WWOX: variants seen among roughly 807,000 people sequenced by gnomAD.
WWOX encodes the protein WW domain containing oxidoreductase.
Under a neutral mutation model 46.2 loss-of-function variants are expected in WWOX, and 69 were observed. The ratio of observed to expected loss-of-function variants is 1.49; its 90% CI spans 1.23 to 1.82. WWOX has a LOEUF of 1.82. Ranked by LOEUF, WWOX falls within the 40% of genes most tolerant of loss-of-function variation. The pLI, the probability that WWOX is intolerant of heterozygous loss-of-function variation, is 0.00. For missense variants in WWOX, 919 were observed against 542.6 expected (o/e 1.69, Z -6.89); for synonymous variants, 359 against 202.6 (o/e 1.77, Z -6.56).
At chr16:78,622,434 C>G (rs905112292) in intron 8 of WWOX, among the ~76,000 whole-genome samples, 22 of 151,896 alleles carry the variant, frequency 1.4e-4, no homozygotes, top group African/African-American at 5.1e-4. Flanking sequence ...CCCAGGTACA[C>G]AGGAGGCTGA....
intron 8 of WWOX, among the ~76,000 whole-genome samples, chr16:78,902,516 C>A (rs1037698132): frequency 3.3e-5 from 5 of 152,226 alleles, no homozygotes. Context: ...TGTTAGACTG[C>A]GGCTTTCCAG....
chr16:78,691,269 C>G (rs1193634543), intron 8 of WWOX: 1 of 702,006 alleles, frequency 1.4e-6, no homozygotes, highest in Non-Finnish European at 2.6e-6. Context: ...AGAAGGAGGT[C>G]ACTTCTGATT....
chr16:78,858,171 T>TGTGTGTGTGTGTGA (rs2052612708), intron 8 of WWOX, among the ~76,000 whole-genome samples: 1 of 151,782 alleles, frequency 6.6e-6, no homozygotes, highest in Non-Finnish European at 1.5e-5. Context: ...TGTGTGTGTG[T>TGTGTGTGTGTGTGA]ATAAATTGGC....
rs549922764 is a variant in WWOX at position 78,985,678 on chromosome 16, A to G, written c.1057-225930A>G. Among the ~76,000 whole-genome samples the G allele has an allele frequency of 3.8e-3, 580 of 152,368 alleles. 2 individuals are homozygous for G. The highest frequency in any genetic ancestry group is 5.8e-3 in the Non-Finnish European group (393 of 68,036). ...CAGCTACTCAGGAGGCTGAGGCAGG[A>G]GAATTGCTTGAATCCAAGAGATGGA... On this transcript the variant is annotated intron_variant, in intron 8 of 8. Coordinates refer to ENST00000566780, the MANE Select transcript of WWOX (RefSeq NM_016373.4).
chr16:79,066,492 G>T (rs1357169849), intron 8 of WWOX, among the ~76,000 whole-genome samples: 1 of 152,098 alleles, frequency 6.6e-6, no homozygotes, highest in African/African-American at 2.4e-5. Flanking sequence ...ACAGAAGGAA[G>T]GAAGGGGGAA....
intron 8 of WWOX, chr16:78,534,599 G>A (rs1162145210): frequency 1.3e-5 from 2 of 152,190 alleles, no homozygotes; most frequent in Non-Finnish European, 2.9e-5. Flanking sequence ...ATATAGGGAA[G>A]ATGGCCCCTA....
chr16:79,155,237 A>G (rs973924337), intron 8 of WWOX, among the ~76,000 whole-genome samples: 2 of 152,166 alleles, frequency 1.3e-5, no homozygotes, highest in African/African-American at 4.8e-5. Context: ...TTAGCTGGGC[A>G]TGGTGGCGTG....
intron 8 of WWOX, among the ~76,000 whole-genome samples, chr16:78,760,310 C>G (rs925398687): frequency 6.6e-6 from 1 of 152,220 alleles, no homozygotes; most frequent in Admixed American, 6.5e-5. Context: ...ACCAGGGTCC[C>G]TCCCACAACA....
chr16:78,686,442 T>C (rs2047861252), intron 8 of WWOX, among the ~76,000 whole-genome samples: 1 of 150,236 alleles, frequency 6.7e-6, no homozygotes, highest in Admixed American at 6.7e-5. Context: ...ACCCGGGAGG[T>C]GGAGTTTGCA....
intron 8 of WWOX, among the ~76,000 whole-genome samples, chr16:79,127,723 C>A (rs1036552180): frequency 3.3e-4 from 50 of 151,854 alleles, no homozygotes; most frequent in African/African-American, 1.2e-3. Flanking sequence ...GATTTACATT[C>A]CCACTAAGCA....
intron 4 of WWOX, among the ~76,000 whole-genome samples, chr16:78,154,556 C>T (rs2034533308): frequency 1.5e-5 from 2 of 137,390 alleles, no homozygotes; most frequent in African/African-American, 5.5e-5. Flanking sequence ...CTTTATCTCT[C>T]CTTCCAGTAA....
At chr16:78,890,313 T>TCTCTATCATTCTTAAATTTGAC (rs2044561480) in intron 8 of WWOX, 2 of 135,376 alleles carry the variant, frequency 1.5e-5, no homozygotes, top group African/African-American at 7.8e-5. Flanking sequence ...ACCTCTTGCC[T>TCTCTATCATTCTTAAATTTGAC]CTCCATCATT....
chr16:78,982,320 A>G (rs890492913), intron 8 of WWOX, among the ~76,000 whole-genome samples: 3 of 152,096 alleles, frequency 2.0e-5, no homozygotes, highest in East Asian at 1.9e-4. Flanking sequence ...TCATCTGGGG[A>G]AAAAAATACC....
At chr16:78,469,694 G>T (rs2084173857) in intron 8 of WWOX, among the ~76,000 whole-genome samples, 1 of 152,162 alleles carries the variant, frequency 6.6e-6, no homozygotes, top group Non-Finnish European at 1.5e-5. Context: ...TTACACCATG[G>T]ACAACCAGGC....
At chr16:78,873,788 A>C (rs1567618177) in intron 8 of WWOX, among the ~76,000 whole-genome samples, 1 of 152,130 alleles carries the variant, frequency 6.6e-6, no homozygotes, top group African/African-American at 2.4e-5. Context: ...CCCTGCCTCA[A>C]AAAGTAAATA....
chr16:79,002,533 T>C (rs895474600), intron 8 of WWOX, among the ~76,000 whole-genome samples: 3 of 152,200 alleles, frequency 2.0e-5, no homozygotes, highest in Non-Finnish European at 4.4e-5. Flanking sequence ...CCTGCCTTTT[T>C]ATTTTGCTAA....
At position 78,196,611 on chromosome 16, in the gene WWOX, G is replaced by A. The variant is rs139666857; in HGVS notation, c.516+32322G>A. On this transcript the variant is annotated intron_variant, in intron 5 of 8. Coordinates refer to ENST00000566780, the MANE Select transcript of WWOX (RefSeq NM_016373.4). ...GGTCCTGAGGAAAGATTGTGTTGGG[G>A]AGGTTGTGCTTTGGAACCAATTAGG... 2.9e-4 allele frequency among the ~76,000 whole-genome samples: 44 copies of A among 152,304 alleles called. 1 individual carries two copies. In the East Asian group the frequency reaches 7.9e-3, roughly 27 times the overall value.
chr16:78,613,766 A>G (rs1454974955), intron 8 of WWOX, among the ~76,000 whole-genome samples: 1 of 152,204 alleles, frequency 6.6e-6, no homozygotes, highest in Non-Finnish European at 1.5e-5. Context: ...ACAAGATCCC[A>G]ACCCCTTATC....
intron 8 of WWOX, among the ~76,000 whole-genome samples, chr16:78,618,360 T>TC (rs1160559606): frequency 3.9e-5 from 6 of 152,042 alleles, no homozygotes; most frequent in Non-Finnish European, 5.9e-5. Flanking sequence ...AGGTTGGGAG[T>TC]CCTAGATCAA....
Sources: gnomAD v4.1 joint callset for allele counts (sites outside exome capture counted in the v4.1 genomes callset) on GRCh38, gnomAD v4.1.1 for gene constraint, MANE v1.5 for transcripts, NCBI Gene and HGNC (gene_info 2026-07-23, HGNC 2026-07-21) for gene names.